Variants in SLC38A12 observed in about 807,000 individuals in gnomAD.
SLC38A12 encodes solute carrier family 38 member 12.
chr17:74,817,688 G>C, the SLC38A12 span, among the ~76,000 whole-genome samples: 32,190 of 152,170 alleles, frequency 0.21, 4,403 homozygotes, highest in East Asian at 0.42. Context: ...GACAGGAACA[G>C]AGATGGACAG....
At chr17:74,794,788 T>G in the SLC38A12 span, among the ~76,000 whole-genome samples, 1 of 152,028 alleles carries the variant, frequency 6.6e-6, no homozygotes, top group Non-Finnish European at 1.5e-5. Context: ...TCCTCTCAGG[T>G]GAAAGTCATG....
chr17:74,826,556 A>C, the SLC38A12 span, among the ~76,000 whole-genome samples: 37,452 of 152,138 alleles, frequency 0.25, 4,998 homozygotes, highest in East Asian at 0.42. Flanking sequence ...TTGCTAGGCA[A>C]AGCTGGCATA....
chr17:74,814,928 G>T, the SLC38A12 span, among the ~76,000 whole-genome samples: 1 of 152,208 alleles, frequency 6.6e-6, no homozygotes, highest in East Asian at 1.9e-4. Context: ...ACTGTGTGTT[G>T]GTAATTCAGT....
the SLC38A12 span, among the ~76,000 whole-genome samples, chr17:74,818,695 C>T: frequency 3.3e-5 from 5 of 152,306 alleles, no homozygotes; most frequent in Admixed American, 1.3e-4. Flanking sequence ...AGCCGCCTGC[C>T]GCATCTCTGG....
chr17:74,831,380 T>A, the SLC38A12 span, among the ~76,000 whole-genome samples: 1 of 152,220 alleles, frequency 6.6e-6, no homozygotes, highest in African/African-American at 2.4e-5. Flanking sequence ...TGTTGTTGAA[T>A]GAAGGAATGA....
the SLC38A12 span, chr17:74,836,233 A>G: frequency 6.2e-7 from 1 of 1,611,382 alleles, no homozygotes; most frequent in South Asian, 1.1e-5. This position sits in a 1 kb window ranked among gnomAD's most constrained non-coding sequence, Gnocchi z 4.2. Context: ...GCGCGCTGTG[A>G]CGTCGTGGGC....
the SLC38A12 span, chr17:74,839,333 C>T: frequency 4.4e-6 from 3 of 686,722 alleles, no homozygotes; most frequent in East Asian, 9.0e-5. Context: ...GTGGGGAGGA[C>T]AGGGGCTGCT....
the SLC38A12 span, chr17:74,839,203 G>A: frequency 1.4e-6 from 2 of 1,477,198 alleles, no homozygotes; most frequent in Non-Finnish European, 1.8e-6. Flanking sequence ...GATAGACTGG[G>A]AAGCACTGCT....
chr17:74,788,767 G>A, the SLC38A12 span: 23 of 1,609,534 alleles, frequency 1.4e-5, no homozygotes, highest in Middle Eastern at 3.3e-4. Context: ...CGCCTTTGGC[G>A]CTGGGCACTC....
the SLC38A12 span, chr17:74,791,109 A>G: frequency 3.0e-6 from 4 of 1,354,782 alleles, no homozygotes; most frequent in Non-Finnish European, 4.2e-6. Flanking sequence ...GCACCCTTGT[A>G]ATGAGGGCTC....
At chr17:74,831,311 A>G in the SLC38A12 span, among the ~76,000 whole-genome samples, 2 of 152,182 alleles carry the variant, frequency 1.3e-5, no homozygotes, top group Non-Finnish European at 2.9e-5. Flanking sequence ...CCCCTGTCTC[A>G]GTGTGCTGTC....
At chr17:74,795,263 G>A in the SLC38A12 span, 7 of 711,836 alleles carry the variant, frequency 9.8e-6, no homozygotes, top group African/African-American at 8.8e-5. Flanking sequence ...ACAGACCACA[G>A]CCAGCCATGC....
chr17:74,784,590 A>C, the SLC38A12 span, among the ~76,000 whole-genome samples: 1 of 152,056 alleles, frequency 6.6e-6, no homozygotes, highest in African/African-American at 2.4e-5. Flanking sequence ...ATGATGCCAA[A>C]ATAGGGGTGG....
At chr17:74,786,942 A>T in the SLC38A12 span, among the ~76,000 whole-genome samples, 3 of 152,070 alleles carry the variant, frequency 2.0e-5, no homozygotes, top group African/African-American at 7.2e-5. Flanking sequence ...GGGGTACCAC[A>T]CCCCGCTCCT....
chr17:74,805,461 C>G, the SLC38A12 span, among the ~76,000 whole-genome samples: 1 of 152,210 alleles, frequency 6.6e-6, no homozygotes, highest in Non-Finnish European at 1.5e-5. This position sits in a 1 kb window ranked among gnomAD's most constrained non-coding sequence, Gnocchi z 5.0. Flanking sequence ...GTTGGGGGCT[C>G]TAGACCCCGC....
the SLC38A12 span, among the ~76,000 whole-genome samples, chr17:74,784,912 G>A: frequency 6.6e-6 from 1 of 152,172 alleles, no homozygotes; most frequent in South Asian, 2.1e-4. Context: ...ACTGATGTGT[G>A]TACTTTAAAT....
At chr17:74,826,992 G>T in the SLC38A12 span, among the ~76,000 whole-genome samples, 1 of 152,122 alleles carries the variant, frequency 6.6e-6, no homozygotes, top group Non-Finnish European at 1.5e-5. Context: ...AGCCCCAAAG[G>T]TTTGCTGAGG....
chr17:74,835,958 C>G, the SLC38A12 span: 1 of 1,611,034 alleles, frequency 6.2e-7, no homozygotes, highest in Non-Finnish European at 8.5e-7. Flanking sequence ...TGGCCCTGAT[C>G]CGCATCGGGC....
the SLC38A12 span, chr17:74,777,343 A>C: frequency 3.1e-6 from 5 of 1,614,102 alleles, no homozygotes; most frequent in African/African-American, 6.7e-5. Flanking sequence ...GGCGGGTGAA[A>C]TTACAGAGAC....
Sources: gnomAD v4.1 joint callset for allele counts (sites outside exome capture counted in the v4.1 genomes callset) on GRCh38, gnomAD v4.1.1 for gene constraint, Gnocchi (gnomAD v3.1) non-coding constraint, MANE v1.5 for transcripts, NCBI Gene and HGNC (gene_info 2026-07-23, HGNC 2026-07-21) for gene names.